The following RPL14 variants were observed in gnomAD, a reference collection of about 807,000 sequenced individuals.
RPL14 encodes ribosomal protein L14.
RPL14 carries 4 observed loss-of-function variants against 25.3 expected under a neutral mutation model. The ratio of observed to expected loss-of-function variants is 0.16; its 90% CI spans 0.08 to 0.36. RPL14 has a LOEUF of 0.36. Among genes scored for constraint, RPL14 ranks in the 10% least tolerant of loss-of-function variants. The pLI, the probability that RPL14 is intolerant of heterozygous loss-of-function variation, is 1.00. For missense variants in RPL14, 212 were observed against 261.9 expected, an observed-to-expected ratio of 0.81 and a Z score of 1.31; for synonymous variants, 75 against 89.8, an observed-to-expected ratio of 0.84 and a Z score of 0.93.
Position 40,462,441 on chromosome 3 carries a change from A to C in RPL14, c.*209A>C, listed in dbSNP as rs1308008166. 8.6e-6 allele frequency: 4 copies of C among 463,116 alleles called. No homozygotes were observed. The highest frequency in any genetic ancestry group is 1.4e-5 in the Non-Finnish European group (4 of 286,882). The allele number at this position is 463,116 out of a possible 1,614,324, so 28.7% of individuals were successfully genotyped here. ...GCTCAGGCCGGACTGCAGTGGCGCT[A>C]TCTCGGCTCACTGTAAGTTCCACCT... On this transcript the variant is annotated 3_prime_UTR_variant, in exon 6 of 6. Coordinates refer to ENST00000396203, the MANE Select transcript of RPL14 (RefSeq NM_001034996.3).
rs1467385280 is a variant in RPL14, at chr3:40,463,779, A to C, written c.*1547A>C. ...GTATAGACCTAGGTCCCATCCCCAAAGTGTCATGTATATGCACTTAACTCC... is the reference window on the plus strand; with the variant it reads ...GTATAGACCTAGGTCCCATCCCCAACGTGTCATGTATATGCACTTAACTCC... On this transcript the variant is annotated 3_prime_UTR_variant, in exon 6 of 6. Transcript: ENST00000396203. 6.6e-6 allele frequency: 1 copy of C among 152,210 alleles called. No homozygotes were observed. The highest frequency in any genetic ancestry group is 1.5e-5 in the Non-Finnish European group (1 of 68,086). The allele number at this position is 152,210 out of a possible 1,614,324, so 9.4% of individuals were successfully genotyped here. A position where few individuals can be genotyped will look rare whatever the true frequency, so the allele number is the denominator to read the frequency against.
At chr3:40,459,699 CAA>C (rs1239395733) in intron 3 of RPL14, among the ~76,000 whole-genome samples, 1 of 147,814 alleles carries the variant, frequency 6.8e-6, no homozygotes, top group African/African-American at 2.5e-5. Flanking sequence ...ACTAAAAATA[CAA>C]AAAAAAAATA....
Position 40,462,373 on chromosome 3 carries a change from C to CA in RPL14, c.*141_*142insA. 7 of 329,068 alleles carry CA rather than the reference C, an allele frequency of 2.1e-5. No homozygotes were observed. Among genetic ancestry groups the CA allele is most frequent in the Non-Finnish European group, 4.8e-6 (1 of 207,688 alleles). The allele number at this position is 329,068 out of a possible 1,614,324, so 20.4% of individuals were successfully genotyped here. A position where few individuals can be genotyped will look rare whatever the true frequency, so the allele number is the denominator to read the frequency against. ...ATAATAAACATTAAATAATCAGTTC[C>CA]TTTTTTTTTTTTTTTTTTTTTGAGA... On this transcript the variant is annotated 3_prime_UTR_variant, in exon 6 of 6. Transcript: ENST00000396203.
rs753658672 is a variant in RPL14 at position 40,462,082 on chromosome 3, C to A, written c.498C>A (p.Ile166=). Residue 166 remains isoleucine, a synonymous_variant, in exon 6 of 6, where the codon ATC becomes ATA. Coordinates refer to ENST00000396203, the MANE Select transcript of RPL14 (RefSeq NM_001034996.3). The part of the protein sequence containing the change: ...AAAAKVPAKK[I]TAASKKAPAQ... ...CTGCTAAAGTTCCAGCAAAAAAGAT[C>A]ACCGCCGCGAGTAAAAAGGCTCCAG... 15 of 1,557,846 alleles carry A rather than the reference C, an allele frequency of 9.6e-6. No individual in the cohort carries two copies. The highest frequency in any genetic ancestry group is 2.2e-5 in the South Asian group (2 of 89,742).
rs1697059933 is a variant in RPL14 at position 40,468,429 on chromosome 3, A to G, written c.*6197A>G. 6.6e-6 allele frequency: 1 copy of G among 152,018 alleles called. No individual in the cohort carries two copies. The highest frequency in any genetic ancestry group is 6.6e-5 in the Admixed American group (1 of 15,252). 9.4% of individuals were successfully genotyped at this position (152,018 alleles called of 1,614,324 possible). ...AAAGTAGTATCTTACTTTAACTTGT[A>G]TTTTCCTGGTCCAATAGTGCACTAA... is the stretch of plus-strand genomic sequence containing the variant. On this transcript the variant is annotated 3_prime_UTR_variant, in exon 6 of 6. Coordinates refer to ENST00000396203, the MANE Select transcript of RPL14 (RefSeq NM_001034996.3).
chr3:40,457,518 C>T (rs772541396), intron 1 of RPL14, 44 bp downstream of exon 1: 78 of 1,439,884 alleles, frequency 5.4e-5, no homozygotes, highest in Non-Finnish European at 7.0e-5. Flanking sequence ...CGGGCCCTTC[C>T]CGGACTCGCG....
intron 3 of RPL14, among the ~76,000 whole-genome samples, chr3:40,459,379 T>TA (rs1559528332): frequency 2.0e-5 from 3 of 152,224 alleles, no homozygotes; most frequent in Non-Finnish European, 4.4e-5. Flanking sequence ...GTGTGTCAGT[T>TA]ACACAGTATT....
chr3:40,459,361 C>T lies in RPL14; in HGVS notation c.200+625C>T, dbSNP rs114683088. On this transcript the variant is annotated intron_variant, in intron 3 of 5. Coordinates refer to ENST00000396203, the MANE Select transcript of RPL14 (RefSeq NM_001034996.3). ...TTGCTACTAGCTATCATTAGATAAGCTCTCAGTGTGTGTCAGTTACACAGT... is the reference window on the plus strand; with the variant it reads ...TTGCTACTAGCTATCATTAGATAAGTTCTCAGTGTGTGTCAGTTACACAGT... Among the ~76,000 whole-genome samples, 900 of 152,242 alleles carry T rather than the reference C, an allele frequency of 5.9e-3. 9 individuals carry two copies. The highest frequency in any genetic ancestry group is 0.02 in the African/African-American group (834 of 41,522).
At position 40,461,397 on chromosome 3, in the gene RPL14, C is replaced by A; in HGVS notation, c.201-10C>A. The A allele has an allele frequency of 6.2e-7, 1 of 1,612,426 alleles. No homozygotes were observed. The highest frequency in any genetic ancestry group is 8.5e-7 in the Non-Finnish European group (1 of 1,178,618). ...CTGATTTCTTAATCTGTGGTCTTGG[C>A]TCGTTCTAGTGCCCACCAGAAGTAT... On this transcript the variant is annotated splice_polypyrimidine_tract_variant and intron_variant, in intron 3 of 5. Transcript: ENST00000396203.
In RPL14 at chr3:40,466,543, T is replaced by G. The variant is rs1245865860; in HGVS notation, c.*4311T>G. ...AAAAAAAAAAAAAAAAATGGCTGAT[T>G]TCAGAGTCATATTCAGGTTTAAATT... On this transcript the variant is annotated 3_prime_UTR_variant, in exon 6 of 6. Coordinates refer to ENST00000396203, the MANE Select transcript of RPL14 (RefSeq NM_001034996.3). 1 of 149,822 alleles carries G rather than the reference T, an allele frequency of 6.7e-6. No individual in the cohort carries two copies. Among genetic ancestry groups the G allele is most frequent in the Non-Finnish European group, 1.5e-5 (1 of 67,672 alleles). 9.3% of individuals were successfully genotyped at this position (149,822 alleles called of 1,614,324 possible). A position where few individuals can be genotyped will look rare whatever the true frequency, so the allele number is the denominator to read the frequency against.
chr3:40,458,125 G>A (rs978503691), intron 2 of RPL14, 134 bp downstream of exon 2: 53 of 724,698 alleles, frequency 7.3e-5, no homozygotes, highest in Middle Eastern at 2.4e-4. Flanking sequence ...GAGGAAACAG[G>A]TAATGGTACG....
In RPL14 at chr3:40,465,874, A is replaced by G. The variant is rs1278199841; in HGVS notation, c.*3642A>G. On this transcript the variant is annotated 3_prime_UTR_variant, in exon 6 of 6. Coordinates refer to ENST00000396203, the MANE Select transcript of RPL14 (RefSeq NM_001034996.3). ...TGCCTGAAAAGGAGTAGAAAATAAA[A>G]TTAATAAGGTGGGACCATATGATAA... 2 of 152,200 alleles carry G rather than the reference A, an allele frequency of 1.3e-5. No homozygotes were observed. The highest frequency in any genetic ancestry group is 2.9e-5 in the Non-Finnish European group (2 of 68,062). 9.4% of individuals were successfully genotyped at this position (152,200 alleles called of 1,614,324 possible).
chr3:40,459,866 A>G (rs1470245835), intron 3 of RPL14, among the ~76,000 whole-genome samples: 7 of 150,986 alleles, frequency 4.6e-5, no homozygotes, highest in African/African-American at 1.7e-4. Context: ...TTCAAAAAAA[A>G]AAAAAAAAAA....
chr3:40,461,706 A>C, intron 5 of RPL14, 45 bp downstream of exon 5: 1 of 1,538,174 alleles, frequency 6.5e-7, no homozygotes, highest in East Asian at 2.2e-5. Flanking sequence ...GCTTTAAATA[A>C]TAAGGGAGCA....
In RPL14 at chr3:40,464,584, A is replaced by G; in HGVS notation, c.*2352A>G. ...TAGTGGTTAGATCGTGTAGGGGAAC[A>G]CGGGAAGCTACTGAGGGTTTTTTAA... On this transcript the variant is annotated 3_prime_UTR_variant, in exon 6 of 6. Coordinates refer to ENST00000396203, the MANE Select transcript of RPL14 (RefSeq NM_001034996.3). 1 of 450,392 alleles carries G rather than the reference A, an allele frequency of 2.2e-6. No homozygotes were observed. Among genetic ancestry groups the G allele is most frequent in the Admixed American group, 2.4e-5 (1 of 41,560 alleles). 27.9% of individuals were successfully genotyped at this position (450,392 alleles called of 1,614,324 possible). A position where few individuals can be genotyped will look rare whatever the true frequency, so the allele number is the denominator to read the frequency against.
chr3:40,457,762 C>G (rs1016491681), intron 1 of RPL14, 128 bp from the exon 2 acceptor site: 20 of 917,568 alleles, frequency 2.2e-5, no homozygotes, highest in Non-Finnish European at 3.2e-5. Context: ...GCGCCTGGCT[C>G]TCGGGCGTTT....
rs1696869090 is a variant in RPL14, at chr3:40,457,919, G to C, written c.33G>C (p.Arg11=). Residue 11 remains arginine (R), a synonymous_variant, in exon 2 of 6, where the codon CGG becomes CGC. Transcript: ENST00000396203. MVFRRFVEVG[R]VAYVSFGPHA... ...TCAGGCGCTTCGTGGAGGTTGGCCG[G>C]GTGGCCTATGTCTCCTTTGGACCTC... 6.2e-7 allele frequency: 1 copy of C among 1,614,220 alleles called. No individual in the cohort carries two copies. The highest frequency in any genetic ancestry group is 1.1e-5 in the South Asian group (1 of 91,084).
chr3:40,459,309 AAAC>A (rs1461873975), intron 3 of RPL14, among the ~76,000 whole-genome samples: 1 of 152,220 alleles, frequency 6.6e-6, no homozygotes, highest in Non-Finnish European at 1.5e-5. Flanking sequence ...AGCTTAAAGT[AAAC>A]AACAATACTA....
At position 40,466,359 on chromosome 3, in the gene RPL14, T is replaced by C. The variant is rs1284727600; in HGVS notation, c.*4127T>C. 1 of 151,278 alleles carries C rather than the reference T, an allele frequency of 6.6e-6. No homozygotes were observed. Among genetic ancestry groups the C allele is most frequent in the Admixed American group, 6.6e-5 (1 of 15,140 alleles). The allele number at this position is 151,278 out of a possible 1,614,324, so 9.4% of individuals were successfully genotyped here. On this transcript the variant is annotated 3_prime_UTR_variant, in exon 6 of 6. Transcript: ENST00000396203. The stretch of plus-strand genomic sequence containing the variant: ...TACACACTTGTTCAGTCACCCTCAT[T>C]GGAGACGGGGGATGGCATACGAAAA...
Sources: allele counts gnomAD v4.1 joint callset (sites outside exome capture counted in the v4.1 genomes callset), GRCh38; gene constraint gnomAD v4.1.1; transcripts MANE v1.5; gene names NCBI Gene and HGNC (gene_info 2026-07-23, HGNC 2026-07-21).